Variants in CERS6 observed in about 807,000 individuals in gnomAD.
The protein encoded by CERS6 is LAG1 homolog, ceramide synthase 6.
A neutral mutation model predicts 56.8 loss-of-function variants in CERS6; 26 were observed. The ratio of observed to expected loss-of-function variants is 0.46; its 90% CI spans 0.34 to 0.63. The LOEUF is 0.63. CERS6 is among the 30% of genes least tolerant of loss of function. CERS6 has a pLI of 0.01. For missense variants in CERS6, 415 were observed against 467.5 expected, an observed-to-expected ratio of 0.89 and a Z score of 1.04; for synonymous variants, 164 against 173.3, an observed-to-expected ratio of 0.95 and a Z score of 0.42.
intron 1 of CERS6, among the ~76,000 whole-genome samples, chr2:168,528,467 A>G (rs1441907642): frequency 6.6e-6 from 1 of 152,168 alleles, no homozygotes; most frequent in East Asian, 1.9e-4. Context: ...GTACTCTAAT[A>G]TCAATTTAAC....
At chr2:168,559,754 T>TATATA (rs56014027) in intron 2 of CERS6, among the ~76,000 whole-genome samples, 4 of 123,884 alleles carry the variant, frequency 3.2e-5, no homozygotes, top group Non-Finnish European at 7.2e-5. Flanking sequence ...TATATATATA[T>TATATA]TTCACCCTTA....
intron 9 of CERS6, among the ~76,000 whole-genome samples, chr2:168,767,797 C>T (rs1684760556): frequency 6.6e-6 from 1 of 152,134 alleles, no homozygotes; most frequent in Non-Finnish European, 1.5e-5. Flanking sequence ...TGTGGGAAAG[C>T]GCCAGTTAAT....
intron 2 of CERS6, among the ~76,000 whole-genome samples, chr2:168,548,522 G>C (rs1442294614): frequency 6.6e-6 from 1 of 152,162 alleles, no homozygotes. Context: ...AAGATCAGGA[G>C]AAATACAACA....
At chr2:168,548,850 C>G (rs1218349356) in intron 2 of CERS6, among the ~76,000 whole-genome samples, 1 of 152,044 alleles carries the variant, frequency 6.6e-6, no homozygotes, top group Non-Finnish European at 1.5e-5. Context: ...CATATCTCTG[C>G]TAGGAAGAAG....
At chr2:168,601,909 C>G (rs753839204) in intron 3 of CERS6, among the ~76,000 whole-genome samples, 14 of 152,150 alleles carry the variant, frequency 9.2e-5, no homozygotes, top group Admixed American at 2.6e-4. Context: ...CTTATATTTG[C>G]ATGCAGTGTT....
At chr2:168,593,959 A>G (rs111803275) in intron 3 of CERS6, among the ~76,000 whole-genome samples, 1 of 152,202 alleles carries the variant, frequency 6.6e-6, no homozygotes, top group African/African-American at 2.4e-5. Context: ...AGCACCAGGA[A>G]TGGTATTGCT....
chr2:168,636,905 G>A (rs939301379), intron 4 of CERS6, among the ~76,000 whole-genome samples: 7 of 152,156 alleles, frequency 4.6e-5, no homozygotes, highest in South Asian at 2.1e-4. Context: ...CCGTCAGAAC[G>A]CCTGGGTTAT....
chr2:168,496,502 T>C (rs187219236), intron 1 of CERS6, among the ~76,000 whole-genome samples: 12 of 152,232 alleles, frequency 7.9e-5, no homozygotes, highest in Middle Eastern at 3.4e-3. Context: ...ATTCTTGTCT[T>C]TTGGGTCCCC....
intron 1 of CERS6, among the ~76,000 whole-genome samples, chr2:168,486,823 C>T (rs1328763187): frequency 6.6e-6 from 1 of 152,110 alleles, no homozygotes; most frequent in Non-Finnish European, 1.5e-5. Flanking sequence ...CCAAACATTC[C>T]TTGTGACACA....
intron 3 of CERS6, among the ~76,000 whole-genome samples, chr2:168,575,978 A>AGT: frequency 6.6e-6 from 1 of 152,266 alleles, no homozygotes; most frequent in East Asian, 1.9e-4. Context: ...TGTCTAATGA[A>AGT]GTTGCCTTAG....
At chr2:168,744,100 T>G (rs1297144267) in intron 8 of CERS6, among the ~76,000 whole-genome samples, 4 of 149,072 alleles carry the variant, frequency 2.7e-5, no homozygotes, top group Admixed American at 1.3e-4. Context: ...CCACCTCCTG[T>G]GTTCTCGCCA....
intron 6 of CERS6, among the ~76,000 whole-genome samples, chr2:168,703,760 C>CT (rs1440372670): frequency 1.3e-5 from 2 of 152,182 alleles, no homozygotes; most frequent in African/African-American, 4.8e-5. Flanking sequence ...CTTCACCTCT[C>CT]TTTCACCAAG....
At chr2:168,494,222 A>G (rs1467869431) in intron 1 of CERS6, among the ~76,000 whole-genome samples, 1 of 152,184 alleles carries the variant, frequency 6.6e-6, no homozygotes. Context: ...AGCAGGTAAG[A>G]TCCAGAGAGG....
At chr2:168,769,360 G>A (rs981115920) in intron 9 of CERS6, 150 bp from the exon 10 acceptor site, 19 of 656,948 alleles carry the variant, frequency 2.9e-5, no homozygotes, top group Middle Eastern at 4.2e-4. Flanking sequence ...CAATGAAGGG[G>A]AACTTATTGC....
At chr2:168,590,551 T>C (rs1683648473) in intron 3 of CERS6, among the ~76,000 whole-genome samples, 2 of 152,210 alleles carry the variant, frequency 1.3e-5, no homozygotes, top group African/African-American at 4.8e-5. Flanking sequence ...TGTAAGAGTA[T>C]ATAAAAGTTA....
chr2:168,645,142 T>TATATAGAGAGAG (rs753700977), intron 4 of CERS6, among the ~76,000 whole-genome samples: 2 of 12,746 alleles, frequency 1.6e-4, no homozygotes, highest in Non-Finnish European at 1.5e-4. Flanking sequence ...TATATATATA[T>TATATAGAGAGAG]AGAGAGAGAG....
Position 168,746,775 on chromosome 2 carries a change from G to GTATATATATA in CERS6, c.846-18780_846-18771dup, listed in dbSNP as rs71003053. Among the ~76,000 whole-genome samples, 265 of 38,934 alleles carry GTATATATATA rather than the reference G, an allele frequency of 6.8e-3. 13 individuals carry two copies. Among genetic ancestry groups the GTATATATATA allele is most frequent in the Non-Finnish European group, 8.0e-3 (147 of 18,490 alleles). 25.5% of individuals were successfully genotyped at this position (38,934 alleles called of 152,430 possible). On this transcript the variant is annotated intron_variant, in intron 8 of 9. Transcript: ENST00000305747. Reference sequence around the variant, plus strand: ...CCAAACTGATTTAAAAGGGTAAAGGGTATATATATATATATATATATATAT... The same window carrying GTATATATATA: ...CCAAACTGATTTAAAAGGGTAAAGGGTATATATATATATATATATATATATATATATATAT...
intron 4 of CERS6, among the ~76,000 whole-genome samples, chr2:168,638,939 T>G (rs1459950574): frequency 6.6e-6 from 1 of 152,190 alleles, no homozygotes; most frequent in East Asian, 1.9e-4. Flanking sequence ...CTTGCTCTTT[T>G]GTAATTATAC....
At chr2:168,695,712 G>A (rs564512856) in intron 6 of CERS6, among the ~76,000 whole-genome samples, 9 of 152,226 alleles carry the variant, frequency 5.9e-5, no homozygotes, top group South Asian at 4.1e-4. Context: ...TACATATTTG[G>A]GTGCAACAGA....
Sources: allele counts gnomAD v4.1 joint callset (sites outside exome capture counted in the v4.1 genomes callset), GRCh38; gene constraint gnomAD v4.1.1; transcripts MANE v1.5; gene names NCBI Gene and HGNC (gene_info 2026-07-23, HGNC 2026-07-21).